GRID2: variants seen among roughly 807,000 people sequenced by gnomAD.
GRID2 encodes glutamate receptor ionotropic, delta-2.
In GRID2, 33 loss-of-function variants were observed where a neutral mutation model predicts 114.8. The ratio of observed to expected loss-of-function variants is 0.29; its 90% CI spans 0.22 to 0.38. The LOEUF (loss-of-function observed/expected upper bound fraction) is 0.38. Ranked by LOEUF, GRID2 falls within the 10% of genes least tolerant of loss-of-function variation. GRID2 has a pLI of 1.00. For missense variants in GRID2, 1,184 were observed against 1,257.7 expected, an observed-to-expected ratio of 0.94 and a Z score of 0.89; for synonymous variants, 505 against 449.9, an observed-to-expected ratio of 1.12 and a Z score of -1.55.
At chr4:93,709,429 T>C (rs1466290303) in intron 14 of GRID2, among the ~76,000 whole-genome samples, 1 of 152,168 alleles carries the variant, frequency 6.6e-6, no homozygotes, top group African/African-American at 2.4e-5. Context: ...GGCTTGTAAG[T>C]TTTCCACTGT....
intron 2 of GRID2, among the ~76,000 whole-genome samples, chr4:92,939,215 C>T (rs1750904219): frequency 6.8e-6 from 1 of 147,354 alleles, no homozygotes; most frequent in Non-Finnish European, 1.5e-5. Context: ...TCCACATCCT[C>T]TCCAGCACCT....
intron 4 of GRID2, among the ~76,000 whole-genome samples, chr4:93,150,998 G>A (rs941504859): frequency 7.9e-5 from 12 of 151,366 alleles, no homozygotes; most frequent in Non-Finnish European, 1.5e-4. Flanking sequence ...GCATGGTGGT[G>A]CACACCTGTA....
At chr4:92,922,467 C>T (rs1366124404) in intron 2 of GRID2, among the ~76,000 whole-genome samples, 6 of 152,084 alleles carry the variant, frequency 3.9e-5, no homozygotes, top group Non-Finnish European at 1.5e-5. Context: ...TGGTGCTGTT[C>T]CTATTCAGCC....
chr4:92,846,813 T>G (rs916710751), intron 2 of GRID2, among the ~76,000 whole-genome samples: 11 of 152,120 alleles, frequency 7.2e-5, no homozygotes, highest in Non-Finnish European at 1.5e-4. Context: ...TCATTTTTAT[T>G]GTGTGCCTTA....
At chr4:92,468,232 A>G (rs1579417346) in intron 1 of GRID2, among the ~76,000 whole-genome samples, 1 of 152,006 alleles carries the variant, frequency 6.6e-6, no homozygotes, top group African/African-American at 2.4e-5. Context: ...TCATTGACTA[A>G]TACAATTCCA....
intron 2 of GRID2, among the ~76,000 whole-genome samples, chr4:92,683,987 C>A (rs1481612019): frequency 6.6e-6 from 1 of 151,526 alleles, no homozygotes; most frequent in South Asian, 2.1e-4. Flanking sequence ...ATTAACTTAG[C>A]CAAAAATATT....
At chr4:93,357,324 TTTTC>T (rs1761432168) in intron 8 of GRID2, among the ~76,000 whole-genome samples, 1 of 151,584 alleles carries the variant, frequency 6.6e-6, no homozygotes, top group Admixed American at 6.6e-5. Context: ...TTATGCATAT[TTTTC>T]TTATTAATTC....
chr4:92,575,481 T>A (rs1030307832), intron 1 of GRID2, among the ~76,000 whole-genome samples: 8 of 152,220 alleles, frequency 5.3e-5, no homozygotes, highest in Non-Finnish European at 1.2e-4. Context: ...TTTTGCTGAC[T>A]TTTCGATGGG....
chr4:93,324,689 T>C (rs1757633355), intron 8 of GRID2, among the ~76,000 whole-genome samples: 1 of 152,188 alleles, frequency 6.6e-6, no homozygotes, highest in Non-Finnish European at 1.5e-5. Context: ...GTTGGTAGGC[T>C]ATTAATTATT....
At chr4:92,593,193 T>G (rs1334243337) in intron 2 of GRID2, among the ~76,000 whole-genome samples, 1 of 152,018 alleles carries the variant, frequency 6.6e-6, no homozygotes, top group African/African-American at 2.4e-5. Flanking sequence ...GTCTCATCCT[T>G]GAACAAATAG....
chr4:92,902,285 T>C (rs1480754713), intron 2 of GRID2, among the ~76,000 whole-genome samples: 3 of 152,092 alleles, frequency 2.0e-5, no homozygotes, highest in Admixed American at 1.3e-4. Flanking sequence ...GTATCAGTTG[T>C]AATGTCTTCT....
chr4:93,412,610 C>T (rs1767311657), intron 9 of GRID2, among the ~76,000 whole-genome samples: 2 of 151,864 alleles, frequency 1.3e-5, no homozygotes, highest in Admixed American at 6.6e-5. Flanking sequence ...CTTTAAGTTC[C>T]AGGATACATG....
intron 2 of GRID2, among the ~76,000 whole-genome samples, chr4:92,930,892 A>T (rs1750180065): frequency 6.6e-6 from 1 of 151,244 alleles, no homozygotes; most frequent in African/African-American, 2.4e-5. Context: ...TTCCACAAAG[A>T]AAACTCCAGG....
chr4:93,021,027 T>A (rs1457511484), intron 2 of GRID2, among the ~76,000 whole-genome samples: 3 of 150,426 alleles, frequency 2.0e-5, no homozygotes, highest in African/African-American at 7.3e-5. Context: ...AGCGAGAATT[T>A]GTCTCAAAAA....
chr4:92,438,277 TA>T, intron 1 of GRID2, among the ~76,000 whole-genome samples: 1 of 152,096 alleles, frequency 6.6e-6, no homozygotes, highest in East Asian at 1.9e-4. Flanking sequence ...AAGCTTACTT[TA>T]AAAAAAGAAA....
At chr4:93,612,867 A>T (rs1033889023) in intron 13 of GRID2, among the ~76,000 whole-genome samples, 1 of 139,592 alleles carries the variant, frequency 7.2e-6, no homozygotes, top group Admixed American at 7.2e-5. Context: ...CTGCCTTGCT[A>T]GATTGGGGAA....
chr4:92,548,178 CAATTAAAGATGT>C (rs2149169740), intron 1 of GRID2, among the ~76,000 whole-genome samples: 1 of 152,062 alleles, frequency 6.6e-6, no homozygotes, highest in East Asian at 1.9e-4. Context: ...CAAGACTTCT[CAATTAAAGATGT>C]AATATGTTGA....
At chr4:92,887,694 C>G (rs1224020749) in intron 2 of GRID2, among the ~76,000 whole-genome samples, 1 of 152,152 alleles carries the variant, frequency 6.6e-6, no homozygotes, top group East Asian at 1.9e-4. Flanking sequence ...TTTTCTTAAT[C>G]AGATTTCGCC....
At chr4:92,748,181 TTTCCCATCTCAA>T (rs1737249259) in intron 2 of GRID2, among the ~76,000 whole-genome samples, 1 of 152,176 alleles carries the variant, frequency 6.6e-6, no homozygotes, top group African/African-American at 2.4e-5. Context: ...TTTTTCTATG[TTTCCCATCTCAA>T]TATTTAAGGC....
Sources: allele counts gnomAD v4.1 joint callset (sites outside exome capture counted in the v4.1 genomes callset), GRCh38; gene constraint gnomAD v4.1.1; transcripts MANE v1.5; gene names NCBI Gene and HGNC (gene_info 2026-07-23, HGNC 2026-07-21).